Variants in RGS14 observed in about 807,000 individuals in gnomAD.
The protein encoded by RGS14 is regulator of G-protein signaling 14.
In RGS14, 33 loss-of-function variants were observed where a neutral mutation model predicts 63.8. That is an observed-to-expected ratio of 0.52 (90% CI 0.39 to 0.69). RGS14 has a LOEUF of 0.69. Among genes scored for constraint, RGS14 ranks in the 30% least tolerant of loss-of-function variants. The pLI is 0.00. For synonymous variants in RGS14, 296 were observed against 320.9 expected (o/e 0.92, Z 0.83); for missense variants, 739 against 742.9 (o/e 0.99, Z 0.06).
At chr5:177,367,884 G>A in intron 7 of RGS14, 59 bp downstream of exon 7, 1 of 1,485,730 alleles carries the variant, frequency 6.7e-7, no homozygotes, top group Non-Finnish European at 8.9e-7. Flanking sequence ...TTAAATTTGG[G>A]GAGTGCCCCC....
At chr5:177,367,976 T>C (rs1055133696) in intron 7 of RGS14, 151 bp downstream of exon 7, 2 of 1,437,850 alleles carry the variant, frequency 1.4e-6, no homozygotes, top group Admixed American at 2.8e-5. Flanking sequence ...CCCTGGGTGG[T>C]TCGGGTCTTG....
At chr5:177,366,019 GGGAGGGA>G in intron 2 of RGS14, 35 bp downstream of exon 2, 1 of 1,611,726 alleles carries the variant, frequency 6.2e-7, no homozygotes, top group Non-Finnish European at 8.5e-7. Flanking sequence ...CTGGCTGAGT[GGGAGGGA>G]GGAGGGAGGT....
chr5:177,366,419 C>T, intron 3 of RGS14, 64 bp downstream of exon 3: 2 of 1,411,014 alleles, frequency 1.4e-6, no homozygotes, highest in South Asian at 1.4e-5. Context: ...GATGGAGCTT[C>T]AGGCTGGCCA....
intron 2 of RGS14, 73 bp downstream of exon 2, chr5:177,366,057 C>T: frequency 6.3e-7 from 1 of 1,576,844 alleles, no homozygotes; most frequent in East Asian, 2.2e-5. Flanking sequence ...GGGGACACCC[C>T]TGCCACCTGC....
chr5:177,366,652 A>C, intron 3 of RGS14, 56 bp from the exon 4 acceptor site: 1 of 1,514,358 alleles, frequency 6.6e-7, no homozygotes, highest in Non-Finnish European at 9.2e-7. Context: ...CACATCCCCC[A>C]GTTTGGTCTC....
chr5:177,367,441 T>C lies in RGS14; in HGVS notation c.511T>C (p.Tyr171His). The C allele has an allele frequency of 6.2e-7, 1 of 1,611,252 alleles. No homozygotes were observed. Among genetic ancestry groups the C allele is most frequent in the Non-Finnish European group, 8.5e-7 (1 of 1,178,746 alleles). The change falls in exon 6 of 15, where the codon TAT (tyrosine) becomes CAT (histidine). Residue 171 changes from tyrosine to histidine, a missense_variant. Tyr to His is a moderately conservative substitution (Grantham distance 83). Coordinates refer to ENST00000408923, the MANE Select transcript of RGS14 (RefSeq NM_006480.5). ...QIFNLMKFDS[Y>H]ARFVKSPLYR... ...CTTCAACTTGATGAAGTTCGACAGC[T>C]ATGCGCGCTTCGTCAAGTCCCCGCT...
intron 1 of RGS14, among the ~76,000 whole-genome samples, chr5:177,360,093 G>A (rs879675546): frequency 2.6e-5 from 4 of 152,154 alleles, no homozygotes; most frequent in Non-Finnish European, 4.4e-5. Context: ...ACATCTCCCA[G>A]CCCCCTTCCT....
intron 6 of RGS14, 65 bp downstream of exon 6, chr5:177,367,622 A>G (rs1416177412): frequency 6.3e-7 from 1 of 1,579,816 alleles, no homozygotes; most frequent in Non-Finnish European, 8.6e-7. Flanking sequence ...GCAAGAGGGG[A>G]CGCCTCCGGG....
chr5:177,367,881 T>G, intron 7 of RGS14, 56 bp downstream of exon 7: 1 of 1,489,272 alleles, frequency 6.7e-7, no homozygotes, highest in South Asian at 1.4e-5. Context: ...TGGTTAAATT[T>G]GGGGAGTGCC....
At chr5:177,365,093 C>G (rs947980295) in intron 1 of RGS14, among the ~76,000 whole-genome samples, 9 of 152,232 alleles carry the variant, frequency 5.9e-5, no homozygotes, top group Non-Finnish European at 4.4e-5. Context: ...AGTAAGATCA[C>G]TGGCTGCAGA....
rs1217156505 is a variant in RGS14 at position 177,367,826 on chromosome 5, G to A, written c.739+1G>A. The A allele has an allele frequency of 1.3e-6, 2 of 1,588,378 alleles. No homozygotes were observed. Among genetic ancestry groups the A allele is most frequent in the Admixed American group, 3.6e-5 (2 of 55,856 alleles). ...CCTCTCCGCAAGTCCTTCCGCCGGGGTGAGGGCAGGAGCGAGCAACAGAGA... is the reference window on the plus strand; with the variant it reads ...CCTCTCCGCAAGTCCTTCCGCCGGGATGAGGGCAGGAGCGAGCAACAGAGA... On this transcript the variant is annotated splice_donor_variant, in intron 7 of 14. Coordinates refer to ENST00000408923, the MANE Select transcript of RGS14 (RefSeq NM_006480.5). LOFTEE classifies it high-confidence loss of function.
intron 9 of RGS14, 73 bp from the exon 10 acceptor site, chr5:177,370,518 T>C: frequency 1.5e-6 from 2 of 1,372,358 alleles, no homozygotes; most frequent in Non-Finnish European, 2.1e-6. Context: ...GGGCGTGAAG[T>C]TGTTCTCAGA....
Position 177,367,034 on chromosome 5 carries a change from G to C in RGS14, c.483G>C (p.Gln161His). 2.5e-6 allele frequency: 4 copies of C among 1,608,062 alleles called. No homozygotes were observed. In the South Asian group the frequency reaches 4.4e-5, roughly 18 times the overall value. Residue 161 changes from glutamine (Q) to histidine (H), a missense_variant and splice_region_variant, in exon 5 of 15, where the codon CAG becomes CAC. Gln to His is a conservative substitution (Grantham distance 24). Coordinates refer to ENST00000408923, the MANE Select transcript of RGS14 (RefSeq NM_006480.5). ...RPDMFRAQQL[Q>H]IFNLMKFDSY... is the part of the protein sequence containing the mutation. ...ACATGTTTCGGGCACAGCAGCTTCA[G>C]GTGGGCGATCCTGGGGGGATTGGCC... is the stretch of plus-strand genomic sequence containing the variant.
chr5:177,358,807 C>A lies in RGS14; in HGVS notation c.45+738C>A, dbSNP rs1761887773. ...CTCCCTTCTCTCCCTAGGGTTCCCCCCTCACTTGGAAGAGTCCCTCTTAAC... is the reference window on the plus strand; with the variant it reads ...CTCCCTTCTCTCCCTAGGGTTCCCCACTCACTTGGAAGAGTCCCTCTTAAC... On this transcript the variant is annotated intron_variant, in intron 1 of 14. Coordinates refer to ENST00000408923, the MANE Select transcript of RGS14 (RefSeq NM_006480.5). The surrounding 1 kb of genome is among the most constrained non-coding windows in gnomAD (Gnocchi z 4.8). 6.6e-6 allele frequency among the ~76,000 whole-genome samples: 1 copy of A among 152,342 alleles called. No homozygotes were observed. Among genetic ancestry groups the A allele is most frequent in the Admixed American group, 6.5e-5 (1 of 15,310 alleles).
chr5:177,366,326 C>T lies in RGS14; in HGVS notation c.217C>T (p.Gln73Ter). The T allele has an allele frequency of 6.4e-7, 1 of 1,551,024 alleles. No individual in the cohort carries two copies. The highest frequency in any genetic ancestry group is 8.7e-7 in the Non-Finnish European group (1 of 1,147,920). ...GGCCCTGTCCTTCGAGCGGCTGTTGCAGGACCCGCTGGGCCTGGCTTACTT... is the reference window on the plus strand; with the variant it reads ...GGCCCTGTCCTTCGAGCGGCTGTTGTAGGACCCGCTGGGCCTGGCTTACTT... ...SWALSFERLL[Q>*]DPLGLAYFTE... Residue 73 changes from glutamine (Q) to a stop codon, truncating the protein, a stop_gained, in exon 3 of 15, where the codon CAG becomes TAG. Transcript: ENST00000408923. LOFTEE classifies it high-confidence loss of function.
Position 177,372,365 on chromosome 5 carries a change from C to T in RGS14, c.*290C>T, listed in dbSNP as rs1203269073. ...AGGCTTGCCCAACATGGAGGGATGG[C>T]GTTGGCAGTGCCAGCCTCCCCAGCC... On this transcript the variant is annotated 3_prime_UTR_variant, in exon 15 of 15. Coordinates refer to ENST00000408923, the MANE Select transcript of RGS14 (RefSeq NM_006480.5). 1 of 374,884 alleles carries T rather than the reference C, an allele frequency of 2.7e-6. No individual in the cohort carries two copies. The highest frequency in any genetic ancestry group is 5.1e-5 in the South Asian group (1 of 19,436). 23.2% of individuals were successfully genotyped at this position (374,884 alleles called of 1,614,324 possible). A position where few individuals can be genotyped will look rare whatever the true frequency, so the allele number is the denominator to read the frequency against.
chr5:177,371,073 C>CGGGGAGGGG lies in RGS14; in HGVS notation c.1254+42_1254+43insGGGGAGGGG. ...CGGGGCGGGGCGGGGCGGGGCCGGG[C>CGGGGAGGGG]CGGGGCCGGGGCCGGGGCCGGGGCC... is the stretch of plus-strand genomic sequence containing the variant. On this transcript the variant is annotated intron_variant, in intron 11 of 14. Coordinates refer to ENST00000408923, the MANE Select transcript of RGS14 (RefSeq NM_006480.5). This position sits in a 1 kb window ranked among gnomAD's most constrained non-coding sequence, Gnocchi z 6.1. 1 of 154,170 alleles carries CGGGGAGGGG rather than the reference C, an allele frequency of 6.5e-6. No individual in the cohort carries two copies. Among genetic ancestry groups the CGGGGAGGGG allele is most frequent in the African/African-American group, 6.5e-5 (1 of 15,500 alleles). 9.6% of individuals were successfully genotyped at this position (154,170 alleles called of 1,614,324 possible). A position where few individuals can be genotyped will look rare whatever the true frequency, so the allele number is the denominator to read the frequency against.
chr5:177,359,529 C>T lies in RGS14; in HGVS notation c.45+1460C>T, dbSNP rs1003173121. Reference sequence around the variant, plus strand: ...CCAGAGACAGACCCAGCCCCTGCCCCTTCTGTGTCAGCCTGTGACTTCTCT... The same window carrying T: ...CCAGAGACAGACCCAGCCCCTGCCCTTTCTGTGTCAGCCTGTGACTTCTCT... On this transcript the variant is annotated intron_variant, in intron 1 of 14. Coordinates refer to ENST00000408923, the MANE Select transcript of RGS14 (RefSeq NM_006480.5). The surrounding 1 kb of genome is among the most constrained non-coding windows in gnomAD (Gnocchi z 4.4). Among the ~76,000 whole-genome samples the T allele has an allele frequency of 6.6e-6, 1 of 152,192 alleles. No individual in the cohort carries two copies. Among genetic ancestry groups the T allele is most frequent in the Non-Finnish European group, 1.5e-5 (1 of 68,034 alleles).
At chr5:177,368,339 C>T (rs1762158927) in intron 8 of RGS14, 73 bp downstream of exon 8, 2 of 1,452,288 alleles carry the variant, frequency 1.4e-6, no homozygotes, top group Non-Finnish European at 1.9e-6. Context: ...TACGTGGTGG[C>T]CCTCATTCCA....
Sources: gnomAD v4.1 joint callset for allele counts (sites outside exome capture counted in the v4.1 genomes callset) on GRCh38, gnomAD v4.1.1 for gene constraint, Gnocchi (gnomAD v3.1) non-coding constraint, MANE v1.5 for transcripts, NCBI Gene and HGNC (gene_info 2026-07-23, HGNC 2026-07-21) for gene names.